C19orf38: variants seen among roughly 807,000 people sequenced by gnomAD.
C19orf38 encodes protein HIDE1.
A neutral mutation model predicts 26.6 loss-of-function variants in C19orf38; 14 were observed. That is an observed-to-expected ratio of 0.53 (90% CI 0.35 to 0.82). The LOEUF (loss-of-function observed/expected upper bound fraction) is 0.82, where lower values mean the gene tolerates loss of function less well. C19orf38 is among the 40% of genes least tolerant of loss of function. The pLI is 0.01. For synonymous variants in C19orf38, 132 were observed against 128.5 expected (o/e 1.03, Z -0.18); for missense variants, 261 against 299.5 (o/e 0.87, Z 0.95).
In C19orf38 at chr19:10,839,579, T is replaced by C. The variant is rs2073464477; in HGVS notation, c.-69+2809T>C. On this transcript the variant is annotated intron_variant, in intron 1 of 7. Transcript: ENST00000592854. ...ATTTACCTACTCTGGATATTTCATA[T>C]GAATAGAAGCAGACAATGTGTCACC... is the stretch of plus-strand genomic sequence containing the variant. 1.3e-5 allele frequency among the ~76,000 whole-genome samples: 2 copies of C among 152,222 alleles called. 1 individual carries two copies. Among genetic ancestry groups the C allele is most frequent in the South Asian group, 4.1e-4 (2 of 4,836 alleles).
chr19:10,845,857 C>T (rs796663428), upstream of C19orf38, among the ~76,000 whole-genome samples: 6 of 135,400 alleles, frequency 4.4e-5, no homozygotes, highest in Admixed American at 8.3e-5. Context: ...CCAGCCTGGG[C>T]GACAGAGCAA....
At chr19:10,845,828 G>A (rs1048229657), upstream of C19orf38, among the ~76,000 whole-genome samples, 5 of 148,796 alleles carry the variant, frequency 3.4e-5, no homozygotes, top group African/African-American at 7.5e-5. Flanking sequence ...GCAGTGAGCC[G>A]AGATCACGCC....
At chr19:10,865,083 G>C (rs1200068796) in intron 6 of C19orf38, among the ~76,000 whole-genome samples, 1 of 152,144 alleles carries the variant, frequency 6.6e-6, no homozygotes, top group East Asian at 1.9e-4. Context: ...GTTTCCATGA[G>C]AATCCACACC....
intron 6 of C19orf38, among the ~76,000 whole-genome samples, chr19:10,865,854 C>T (rs369356884): frequency 8.2e-4 from 125 of 152,054 alleles, no homozygotes; most frequent in African/African-American, 2.8e-3. Flanking sequence ...GCTCTGTCTC[C>T]CACGCTGGAG....
chr19:10,839,569 A>G (rs2073464425), intron 1 of C19orf38, among the ~76,000 whole-genome samples: 1 of 152,086 alleles, frequency 6.6e-6, no homozygotes, highest in African/African-American at 2.4e-5. Context: ...CCTACTCTGG[A>G]TATTTCATAT....
intron 1 of C19orf38, chr19:10,842,039 T>C: frequency 6.2e-7 from 1 of 1,610,732 alleles, no homozygotes; most frequent in Admixed American, 1.7e-5. Context: ...GAACTCCATC[T>C]GTTGCTCAGA....
chr19:10,863,490 C>T (rs2052663850), intron 6 of C19orf38, among the ~76,000 whole-genome samples: 1 of 152,144 alleles, frequency 6.6e-6, no homozygotes, highest in African/African-American at 2.4e-5. Flanking sequence ...GTCAGTGCTG[C>T]CTTTGGTCTC....
intron 6 of C19orf38, among the ~76,000 whole-genome samples, chr19:10,866,846 G>A (rs776588374): frequency 5.3e-5 from 8 of 151,258 alleles, no homozygotes; most frequent in Non-Finnish European, 8.9e-5. Flanking sequence ...TCACCATGTT[G>A]GCCTGGCTCG....
intron 1 of C19orf38, chr19:10,836,872 G>A (rs2073435594): frequency 6.6e-6 from 1 of 152,284 alleles, no homozygotes; most frequent in African/African-American, 2.4e-5. Flanking sequence ...CTTATAGACA[G>A]TGGAGGGGCG....
At chr19:10,860,926 C>T (rs545567130) in intron 5 of C19orf38, among the ~76,000 whole-genome samples, 7 of 151,408 alleles carry the variant, frequency 4.6e-5, no homozygotes, top group East Asian at 1.9e-4. Context: ...AGGTGGATCA[C>T]GAGGTCAGGA....
intron 4 of C19orf38, 57 bp downstream of exon 4, chr19:10,858,400 C>T (rs1020589566): frequency 1.3e-6 from 2 of 1,487,316 alleles, no homozygotes; most frequent in Non-Finnish European, 1.8e-6. Context: ...GGACACTTCC[C>T]TGGCAGGGTG....
chr19:10,840,470 G>C (rs905750321), intron 1 of C19orf38, among the ~76,000 whole-genome samples: 1 of 152,158 alleles, frequency 6.6e-6, no homozygotes, highest in African/African-American at 2.4e-5. Flanking sequence ...AACACACCCA[G>C]CTAATTTTTG....
At chr19:10,843,645 T>C (rs1200928793), upstream of C19orf38, among the ~76,000 whole-genome samples, 2 of 152,102 alleles carry the variant, frequency 1.3e-5, no homozygotes, top group African/African-American at 4.8e-5. Flanking sequence ...CTTAACTCCA[T>C]CTCCTGTACA....
At chr19:10,846,794 C>A (rs926141420), upstream of C19orf38, among the ~76,000 whole-genome samples, 3 of 152,110 alleles carry the variant, frequency 2.0e-5, no homozygotes, top group African/African-American at 7.2e-5. Context: ...TACAAGCATG[C>A]CAATTGCAAT....
chr19:10,840,845 A>G (rs1158860561), intron 1 of C19orf38, among the ~76,000 whole-genome samples: 1 of 152,112 alleles, frequency 6.6e-6, no homozygotes, highest in Admixed American at 6.6e-5. Flanking sequence ...ATGTTGACCA[A>G]GCTGGTCTCG....
At chr19:10,858,959 G>A (rs2073660223) in intron 4 of C19orf38, among the ~76,000 whole-genome samples, 2 of 143,106 alleles carry the variant, frequency 1.4e-5, no homozygotes, top group East Asian at 2.0e-4. Flanking sequence ...TTTTTGAGAT[G>A]GAGTTTCACT....
At chr19:10,859,346 GTGTATATA>G (rs1422956446) in intron 4 of C19orf38, among the ~76,000 whole-genome samples, 5 of 44,096 alleles carry the variant, frequency 1.1e-4, no homozygotes, top group East Asian at 1.1e-3. Flanking sequence ...GTGTGTGTGT[GTGTATATA>G]TATATATATA....
chr19:10,851,582 C>T (rs1428648383), intron 2 of C19orf38, among the ~76,000 whole-genome samples: 1 of 152,052 alleles, frequency 6.6e-6, no homozygotes, highest in Non-Finnish European at 1.5e-5. Context: ...GCTTGTAATC[C>T]CAGTACTTTG....
intron 2 of C19orf38, among the ~76,000 whole-genome samples, chr19:10,851,739 C>T (rs909775906): frequency 1.3e-5 from 2 of 151,612 alleles, no homozygotes; most frequent in Non-Finnish European, 1.5e-5. Context: ...GAGGCCGAGG[C>T]GGGTGGATCA....
Sources: gnomAD v4.1 joint callset for allele counts (sites outside exome capture counted in the v4.1 genomes callset) on GRCh38, gnomAD v4.1.1 for gene constraint, MANE v1.5 for transcripts, NCBI Gene and HGNC (gene_info 2026-07-23, HGNC 2026-07-21) for gene names.